The following XKR6 variants were observed in gnomAD, a reference collection of about 807,000 sequenced individuals.
XKR6 encodes the protein XK related 6.
In XKR6, 22 loss-of-function variants were observed where a neutral mutation model predicts 56.7. The observed-to-expected ratio is 0.39, with a 90% confidence interval of 0.28 to 0.55. The LOEUF (loss-of-function observed/expected upper bound fraction) is 0.55. XKR6 is among the 20% of genes least tolerant of loss of function. The pLI, the probability that XKR6 is intolerant of heterozygous loss-of-function variation, is 0.66. For missense variants in XKR6, 852 were observed against 889.0 expected (o/e 0.96, Z 0.53); for synonymous variants, 524 against 387.8 (o/e 1.35, Z -4.13).
At chr8:11,195,978 T>C (rs1803865289) in intron 1 of XKR6, among the ~76,000 whole-genome samples, 1 of 151,968 alleles carries the variant, frequency 6.6e-6, no homozygotes, top group African/African-American at 2.4e-5. Context: ...AAAAAGCTAT[T>C]TTTACAATTA....
At chr8:10,906,528 A>T (rs1380554953) in intron 2 of XKR6, among the ~76,000 whole-genome samples, 2 of 152,252 alleles carry the variant, frequency 1.3e-5, no homozygotes, top group Non-Finnish European at 2.9e-5. Context: ...GTACACAGGA[A>T]ATAATATGCT....
At chr8:11,123,720 G>A in intron 1 of XKR6, 1 of 381,536 alleles carries the variant, frequency 2.6e-6, no homozygotes, top group South Asian at 1.9e-5. Flanking sequence ...TGAATCTCCT[G>A]AAGAAATCCA....
At chr8:11,111,175 T>C (rs1338215569) in intron 1 of XKR6, among the ~76,000 whole-genome samples, 2 of 152,108 alleles carry the variant, frequency 1.3e-5, no homozygotes, top group African/African-American at 2.4e-5. Flanking sequence ...TTTTAAAGGA[T>C]AAATAAGCTT....
At position 10,898,260 on chromosome 8, in the gene XKR6, G is replaced by T; in HGVS notation, c.1618C>A (p.Gln540Lys). Reference protein sequence around the residue: ...APEIPGYRGTQVTPTRAVTEQ... With the variant: ...APEIPGYRGTKVTPTRAVTEQ... ...GTTACGGCTCTGGTGGGCGTAACCT[G>T]GGTCCCCCGGTACCCAGGGATCTCA... Residue 540 changes from glutamine (Q) to lysine (K), a missense_variant, in exon 3 of 3, where the codon CAG becomes AAG. Physicochemically the swap from Gln to Lys is moderately conservative, Grantham distance 53. Transcript: ENST00000416569. This position sits in a 1 kb window ranked among gnomAD's most constrained non-coding sequence, Gnocchi z 6.6. The T allele has an allele frequency of 1.9e-6, 3 of 1,614,150 alleles. No homozygotes were observed. Among genetic ancestry groups the T allele is most frequent in the Non-Finnish European group, 2.5e-6 (3 of 1,180,010 alleles).
intron 1 of XKR6, among the ~76,000 whole-genome samples, chr8:11,111,111 C>A (rs12550014): frequency 0.011 from 1,645 of 151,574 alleles, 37 homozygotes; most frequent in African/African-American, 0.037. Flanking sequence ...GCCTCGGCCT[C>A]CCAAAGTGCT....
intron 1 of XKR6, among the ~76,000 whole-genome samples, chr8:11,000,232 C>T (rs1396720951): frequency 6.6e-6 from 1 of 152,196 alleles, no homozygotes; most frequent in African/African-American, 2.4e-5. Context: ...TCCTTCAAAG[C>T]TAGAAGGCAA....
chr8:11,095,296 A>G (rs1798232698), intron 1 of XKR6, among the ~76,000 whole-genome samples: 1 of 152,232 alleles, frequency 6.6e-6, no homozygotes, highest in African/African-American at 2.4e-5. Context: ...ACAGCAATGA[A>G]TCTTGGTTTT....
chr8:11,116,238 A>G (rs1254144703), intron 1 of XKR6, among the ~76,000 whole-genome samples: 2 of 152,222 alleles, frequency 1.3e-5, no homozygotes, highest in Admixed American at 6.5e-5. Flanking sequence ...AGGAAGCTTC[A>G]GAGAAAACGT....
At chr8:11,141,329 T>C (rs1198621457) in intron 1 of XKR6, among the ~76,000 whole-genome samples, 2 of 152,134 alleles carry the variant, frequency 1.3e-5, no homozygotes, top group Non-Finnish European at 2.9e-5. Flanking sequence ...ACCATAGCAC[T>C]GGGAGGCAGG....
chr8:11,108,525 G>T (rs985783772), intron 1 of XKR6: 1 of 367,452 alleles, frequency 2.7e-6, no homozygotes, highest in Non-Finnish European at 5.3e-6. Flanking sequence ...CCAGCAGGAG[G>T]CATTGCCTAG....
intron 1 of XKR6, among the ~76,000 whole-genome samples, chr8:11,131,913 G>A (rs1800122129): frequency 6.6e-6 from 1 of 152,178 alleles, no homozygotes; most frequent in Non-Finnish European, 1.5e-5. Flanking sequence ...GTGTATGTCA[G>A]TCCATGATGT....
At chr8:11,034,991 G>A (rs1269745352) in intron 1 of XKR6, among the ~76,000 whole-genome samples, 3 of 152,228 alleles carry the variant, frequency 2.0e-5, no homozygotes, top group Non-Finnish European at 4.4e-5. Flanking sequence ...CTGCCAGCCA[G>A]TGCCCTGAAG....
intron 1 of XKR6, chr8:11,105,615 T>C (rs1460394157): frequency 6.6e-6 from 1 of 152,190 alleles, no homozygotes; most frequent in Non-Finnish European, 1.5e-5. Flanking sequence ...ATTGATACGA[T>C]CTTCTTCTTC....
chr8:11,030,178 G>C (rs1220416674), intron 1 of XKR6, among the ~76,000 whole-genome samples: 1 of 152,158 alleles, frequency 6.6e-6, no homozygotes, highest in African/African-American at 2.4e-5. Context: ...GCCTGCCCGA[G>C]TTGGGCTCAT....
At chr8:10,991,520 C>G (rs965741726) in intron 1 of XKR6, among the ~76,000 whole-genome samples, 13 of 152,278 alleles carry the variant, frequency 8.5e-5, no homozygotes, top group Non-Finnish European at 1.8e-4. Context: ...ATGAGTCTAT[C>G]TTTTCTGGGT....
At chr8:11,063,201 CTAAA>C (rs3062751) in intron 1 of XKR6, among the ~76,000 whole-genome samples, 5 of 149,824 alleles carry the variant, frequency 3.3e-5, no homozygotes, top group Non-Finnish European at 5.9e-5. Flanking sequence ...CCGTCTCTAC[CTAAA>C]TAAATAAATA....
At chr8:10,903,698 C>G (rs1269402492) in intron 2 of XKR6, among the ~76,000 whole-genome samples, 19 of 152,128 alleles carry the variant, frequency 1.2e-4, no homozygotes, top group Admixed American at 1.2e-3. Context: ...GGGATGACCA[C>G]ATGAGGACAC....
At chr8:11,131,695 A>T (rs1214144979) in intron 1 of XKR6, among the ~76,000 whole-genome samples, 1 of 152,156 alleles carries the variant, frequency 6.6e-6, no homozygotes, top group Non-Finnish European at 1.5e-5. Context: ...TGGACCACAT[A>T]TCTAATGGTG....
At chr8:11,103,978 T>C (rs543142860) in intron 1 of XKR6, among the ~76,000 whole-genome samples, 47 of 152,254 alleles carry the variant, frequency 3.1e-4, no homozygotes, top group Admixed American at 1.2e-3. Flanking sequence ...AGATGCGGAG[T>C]AATACTGCAA....
Sources: gnomAD v4.1 joint callset for allele counts (sites outside exome capture counted in the v4.1 genomes callset) on GRCh38, gnomAD v4.1.1 for gene constraint, Gnocchi (gnomAD v3.1) non-coding constraint, MANE v1.5 for transcripts, NCBI Gene and HGNC (gene_info 2026-07-23, HGNC 2026-07-21) for gene names.